Variants in MAP4K3 observed in about 807,000 individuals in gnomAD.
MAP4K3 encodes MAPK/ERK kinase kinase kinase 3.
Under a neutral mutation model 143.5 loss-of-function variants are expected in MAP4K3, and 94 were observed. The ratio of observed to expected loss-of-function variants is 0.65; its 90% CI spans 0.55 to 0.78. The LOEUF is 0.78. Ranked by LOEUF, MAP4K3 falls within the 30% of genes least tolerant of loss-of-function variation. The probability of loss-of-function intolerance (pLI) is 0.00; values close to 1 mark genes in which losing one functional copy is unlikely to be tolerated. For missense variants in MAP4K3, 1,077 were observed against 1,068.1 expected (o/e 1.01, Z -0.12); for synonymous variants, 416 against 347.2 (o/e 1.20, Z -2.20).
Position 39,430,112 on chromosome 2 carries a change from A to C in MAP4K3, c.96+6780T>G, listed in dbSNP as rs921353171. On this transcript the variant is annotated intron_variant, in intron 1 of 33. Transcript: ENST00000263881. ...CATACACAAGACTGGGTAATTTATA[A>C]AGGAAAGAGGTTTAATTGACTCACA... Among the ~76,000 whole-genome samples the C allele has an allele frequency of 3.3e-5, 5 of 152,208 alleles. No individual in the cohort carries two copies. The South Asian group carries it at 1.0e-3, about 31-fold the overall frequency.
chr2:39,369,205 G>GTTTTTTTTTTTTTTTTTTTTTTTTT (rs68013609), intron 2 of MAP4K3, among the ~76,000 whole-genome samples: 5 of 125,380 alleles, frequency 4.0e-5, no homozygotes, highest in African/African-American at 9.5e-5. Flanking sequence ...TTTTTTTTTT[G>GTTTTTTTTTTTTTTTTTTTTTTTTT]TTTTTTTTGA....
chr2:39,418,484 C>A (rs758323769), intron 1 of MAP4K3, among the ~76,000 whole-genome samples: 1 of 152,126 alleles, frequency 6.6e-6, no homozygotes, highest in Non-Finnish European at 1.5e-5. Flanking sequence ...TAACTTCTTA[C>A]CTCTTGAGTG....
In MAP4K3 at chr2:39,338,764, A is replaced by C. The variant is rs543311399; in HGVS notation, c.311-1183T>G. Among the ~76,000 whole-genome samples the C allele has an allele frequency of 3.9e-5, 6 of 152,306 alleles. No individual in the cohort carries two copies. In the South Asian group the frequency reaches 1.2e-3, roughly 32 times the overall value. On this transcript the variant is annotated intron_variant, in intron 4 of 33. Transcript: ENST00000263881. ...CTTGTGAAGGAGATTAAGACTCTTA[A>C]TAAAAGAGACTTCAAGCAGTGTCTA...
At chr2:39,308,666 A>T (rs1481663750) in intron 14 of MAP4K3, among the ~76,000 whole-genome samples, 6 of 152,182 alleles carry the variant, frequency 3.9e-5, no homozygotes, top group Non-Finnish European at 1.5e-5. Context: ...TGTTCTATAG[A>T]ATATTAACAT....
chr2:39,353,893 C>A (rs1037163668), intron 3 of MAP4K3, among the ~76,000 whole-genome samples: 1 of 152,154 alleles, frequency 6.6e-6, no homozygotes, highest in African/African-American at 2.4e-5. Context: ...ATATTATTAT[C>A]ATCTGTTTTA....
intron 1 of MAP4K3, among the ~76,000 whole-genome samples, chr2:39,433,633 A>G (rs1665361737): frequency 6.6e-6 from 1 of 152,132 alleles, no homozygotes; most frequent in African/African-American, 2.4e-5. Context: ...ATCTCCACAG[A>G]AAAACACAAA....
chr2:39,393,039 T>C (rs1666710970), intron 1 of MAP4K3, among the ~76,000 whole-genome samples: 1 of 152,252 alleles, frequency 6.6e-6, no homozygotes, highest in South Asian at 2.1e-4. Context: ...ACTGTTCTGC[T>C]TACTTAATTT....
chr2:39,316,239 G>A lies in MAP4K3; in HGVS notation c.919-851C>T, dbSNP rs75074407. On this transcript the variant is annotated intron_variant, in intron 12 of 33. Transcript: ENST00000263881. ...TTAAATGTGATCACAAAGGAATACTGGAAAACTTATACTCTGAATGTCCAA... is the reference window on the plus strand; with the variant it reads ...TTAAATGTGATCACAAAGGAATACTAGAAAACTTATACTCTGAATGTCCAA... Among the ~76,000 whole-genome samples the A allele has an allele frequency of 2.5e-3, 384 of 152,078 alleles. 2 individuals carry two copies. Among genetic ancestry groups the A allele is most frequent in the African/African-American group, 9.0e-3 (372 of 41,488 alleles).
At chr2:39,287,324 G>C (rs1399958046) in intron 20 of MAP4K3, among the ~76,000 whole-genome samples, 1 of 141,512 alleles carries the variant, frequency 7.1e-6, no homozygotes, top group Non-Finnish European at 1.5e-5. Flanking sequence ...AAGGAGTTTT[G>C]CTCTTATCAC....
At chr2:39,270,849 T>C (rs1680988349) in intron 26 of MAP4K3, among the ~76,000 whole-genome samples, 1 of 152,150 alleles carries the variant, frequency 6.6e-6, no homozygotes, top group African/African-American at 2.4e-5. Context: ...ATTATGATGC[T>C]AAAAGGGTTT....
chr2:39,399,768 A>G (rs1299977619), intron 1 of MAP4K3, among the ~76,000 whole-genome samples: 1 of 152,200 alleles, frequency 6.6e-6, no homozygotes, highest in Admixed American at 6.5e-5. Flanking sequence ...AACTATGCCA[A>G]AAAGTTAAGG....
At chr2:39,345,114 T>TTTA (rs1042944458) in intron 3 of MAP4K3, among the ~76,000 whole-genome samples, 1 of 152,164 alleles carries the variant, frequency 6.6e-6, no homozygotes, top group African/African-American at 2.4e-5. Flanking sequence ...GGCTCACACC[T>TTTA]GTAATCTCAG....
chr2:39,257,995 G>T (rs558336643), intron 31 of MAP4K3, among the ~76,000 whole-genome samples: 20 of 152,026 alleles, frequency 1.3e-4, no homozygotes, highest in African/African-American at 4.8e-4. Flanking sequence ...GCAATGGTGC[G>T]ATCTCAACTC....
intron 1 of MAP4K3, among the ~76,000 whole-genome samples, chr2:39,413,648 C>A (rs749859310): frequency 1.6e-4 from 25 of 152,036 alleles, no homozygotes; most frequent in Non-Finnish European, 3.7e-4. Flanking sequence ...AAAGTGAACA[C>A]AATCAGAAAA....
At chr2:39,279,379 G>A (rs1177137052) in intron 23 of MAP4K3, among the ~76,000 whole-genome samples, 1 of 152,146 alleles carries the variant, frequency 6.6e-6, no homozygotes, top group African/African-American at 2.4e-5. Context: ...GAACCTCTCT[G>A]AGTGCCAATT....
intron 2 of MAP4K3, among the ~76,000 whole-genome samples, chr2:39,363,344 A>G (rs1665822693): frequency 6.6e-6 from 1 of 152,192 alleles, no homozygotes; most frequent in Admixed American, 6.5e-5. Context: ...TGCAACAGCA[A>G]AACAAAACCC....
intron 9 of MAP4K3, 54 bp downstream of exon 9, chr2:39,326,092 T>A: frequency 2.5e-6 from 4 of 1,585,044 alleles, no homozygotes; most frequent in South Asian, 1.2e-5. Context: ...CATGACAGCA[T>A]ACTAAGAGGA....
At chr2:39,410,448 T>C (rs1360812941) in intron 1 of MAP4K3, among the ~76,000 whole-genome samples, 1 of 152,236 alleles carries the variant, frequency 6.6e-6, no homozygotes, top group East Asian at 1.9e-4. Context: ...TGTAAAGCTT[T>C]CTATCTTTAT....
At chr2:39,432,443 G>A (rs1337627805) in intron 1 of MAP4K3, among the ~76,000 whole-genome samples, 1 of 152,112 alleles carries the variant, frequency 6.6e-6, no homozygotes, top group Non-Finnish European at 1.5e-5. Context: ...AACTTCAAAT[G>A]ATCTTTCTGA....
Sources: allele counts gnomAD v4.1 joint callset (sites outside exome capture counted in the v4.1 genomes callset), GRCh38; gene constraint gnomAD v4.1.1; transcripts MANE v1.5; gene names NCBI Gene and HGNC (gene_info 2026-07-23, HGNC 2026-07-21).